Variants in CNDP1 observed in about 807,000 individuals in gnomAD.
The protein encoded by CNDP1 is carnosine dipeptidase 1, also known as beta-Ala-His dipeptidase.
A neutral mutation model predicts 58.1 loss-of-function variants in CNDP1; 44 were observed. The observed-to-expected ratio is 0.76, with a 90% confidence interval of 0.60 to 0.97. The LOEUF (loss-of-function observed/expected upper bound fraction) is 0.97, where lower values mean the gene tolerates loss of function less well. Ranked by LOEUF, CNDP1 falls within the 50% of genes least tolerant of loss-of-function variation. The probability of loss-of-function intolerance (pLI) is 0.00; values close to 1 mark genes in which losing one functional copy is unlikely to be tolerated. For missense variants in CNDP1, 616 were observed against 655.1 expected, an observed-to-expected ratio of 0.94 and a Z score of 0.65; for synonymous variants, 254 against 252.6, an observed-to-expected ratio of 1.01 and a Z score of -0.05.
intron 10 of CNDP1, among the ~76,000 whole-genome samples, chr18:74,581,769 A>T (rs1455397387): frequency 6.6e-6 from 1 of 152,074 alleles, no homozygotes; most frequent in Non-Finnish European, 1.5e-5. Context: ...CAGGAGGGGG[A>T]CCCTGCCAAC....
At chr18:74,559,241 C>T (rs1284048592) in intron 2 of CNDP1, 82 bp from the exon 3 acceptor site, 30 of 1,418,332 alleles carry the variant, frequency 2.1e-5, no homozygotes, top group Non-Finnish European at 2.9e-5. Flanking sequence ...TGGGGACTCG[C>T]TGTCTCCTGC....
chr18:74,560,994 C>G lies in CNDP1; in HGVS notation c.442C>G (p.Pro148Ala), dbSNP rs751628800. The change falls in exon 4 of 12, where the codon CCC becomes GCC. Residue 148 changes from proline to alanine, a missense_variant. Transcript: ENST00000358821. ...ADRGDGWLTDPYVLTEVDGKL... is the reference protein window; with the variant it reads ...ADRGDGWLTDAYVLTEVDGKL... Reference sequence around the variant, plus strand: ...CCGGGGCGATGGGTGGCTCACGGACCCCTATGTGCTGACGGAGGTAGACGG... The same window carrying G: ...CCGGGGCGATGGGTGGCTCACGGACGCCTATGTGCTGACGGAGGTAGACGG... 1 of 1,613,720 alleles carries G rather than the reference C, an allele frequency of 6.2e-7. No individual in the cohort carries two copies. The highest frequency in any genetic ancestry group is 8.5e-7 in the Non-Finnish European group (1 of 1,179,772).
intron 1 of CNDP1, among the ~76,000 whole-genome samples, chr18:74,553,448 G>A (rs1208683839): frequency 6.6e-6 from 1 of 152,148 alleles, no homozygotes; most frequent in Non-Finnish European, 1.5e-5. Flanking sequence ...ATGGTGTGAG[G>A]AAGGGGGTGA....
intron 1 of CNDP1, among the ~76,000 whole-genome samples, chr18:74,542,887 A>G (rs562698614): frequency 6.7e-4 from 102 of 152,262 alleles, no homozygotes; most frequent in Non-Finnish European, 6.8e-4. Flanking sequence ...GGCATCTTAA[A>G]GCACCAGGTG....
At chr18:74,570,222 T>C (rs868035249) in intron 6 of CNDP1, among the ~76,000 whole-genome samples, 1 of 115,794 alleles carries the variant, frequency 8.6e-6, no homozygotes, top group African/African-American at 3.7e-5. Flanking sequence ...TAATAATTAA[T>C]AATAATAATA....
intron 1 of CNDP1, among the ~76,000 whole-genome samples, chr18:74,554,674 A>G (rs1354543164): frequency 2.0e-5 from 3 of 152,300 alleles, no homozygotes; most frequent in Admixed American, 1.3e-4. Flanking sequence ...TGGTACCCCA[A>G]CAAGGGAGGA....
rs1981929930 is a variant in CNDP1 at position 74,587,010 on chromosome 18, AG to A, written c.*2453del. 1 of 152,136 alleles carries A rather than the reference AG, an allele frequency of 6.6e-6. No homozygotes were observed. The allele number at this position is 152,136 out of a possible 1,614,324, so 9.4% of individuals were successfully genotyped here. On this transcript the variant is annotated 3_prime_UTR_variant, in exon 12 of 12. Coordinates refer to ENST00000358821, the MANE Select transcript of CNDP1 (RefSeq NM_032649.6). ...GGGCGTACATTGTGGCATGCCCATC[AG>A]GGGGACTTTGTTGTATTGGAGGAGG...
chr18:74,543,509 CAAAATAAAATAAAAT>C (rs56408022), intron 1 of CNDP1, among the ~76,000 whole-genome samples: 11 of 148,778 alleles, frequency 7.4e-5, no homozygotes, highest in Middle Eastern at 3.4e-3. Flanking sequence ...TAAAACAAAA[CAAAATAAAATAAAAT>C]AAAATAAAAT....
chr18:74,571,205 A>T lies in CNDP1; in HGVS notation c.776A>T (p.Asp259Val). The stretch of plus-strand genomic sequence containing the variant: ...CTGCAGGTGAAATGCAGAGACCAGG[A>T]TTTTCACTCAGGAACCTTTGGTGGC... ...FMVEVKCRDQDFHSGTFGGIL... is the reference protein window; with the variant it reads ...FMVEVKCRDQVFHSGTFGGIL... Residue 259 changes from aspartate to valine, a missense_variant, in exon 7 of 12, where the codon GAT becomes GTT. Transcript: ENST00000358821. 1 of 1,612,660 alleles carries T rather than the reference A, an allele frequency of 6.2e-7. No homozygotes were observed. Among genetic ancestry groups the T allele is most frequent in the Non-Finnish European group, 8.5e-7 (1 of 1,178,960 alleles).
rs35859995 is a variant in CNDP1, at chr18:74,585,994, C to CAAAAAAAAAAAAAA, written c.*1444_*1457dup. ...GGGCGACAGAGTGAGACTCCGTCTC[C>CAAAAAAAAAAAAAA]AAAAAAAAAAAAAAAAAAAAAAAAA... On this transcript the variant is annotated 3_prime_UTR_variant, in exon 12 of 12. Transcript: ENST00000358821. 1.5e-5 allele frequency: 1 copy of CAAAAAAAAAAAAAA among 68,208 alleles called. No individual in the cohort carries two copies. Among genetic ancestry groups the CAAAAAAAAAAAAAA allele is most frequent in the Non-Finnish European group, 2.6e-5 (1 of 39,048 alleles). 4.2% of individuals were successfully genotyped at this position (68,208 alleles called of 1,614,324 possible).
chr18:74,584,660 CT>C lies in CNDP1; in HGVS notation c.*99del, dbSNP rs1981867998. 3.3e-6 allele frequency: 3 copies of C among 918,998 alleles called. No individual in the cohort carries two copies. The highest frequency in any genetic ancestry group is 1.8e-6 in the Non-Finnish European group (1 of 557,828). The allele number at this position is 918,998 out of a possible 1,614,324, so 56.9% of individuals were successfully genotyped here. A position where few individuals can be genotyped will look rare whatever the true frequency, so the allele number is the denominator to read the frequency against. On this transcript the variant is annotated 3_prime_UTR_variant, in exon 12 of 12. Coordinates refer to ENST00000358821, the MANE Select transcript of CNDP1 (RefSeq NM_032649.6). ...ATGTAAATATCCAGAGAATTTGGGT[CT>C]AGTATAGTACATTTTCCCTTCCATT...
chr18:74,566,710 G>A (rs1981336434), intron 5 of CNDP1, among the ~76,000 whole-genome samples: 1 of 152,210 alleles, frequency 6.6e-6, no homozygotes. Context: ...TCTCTAGGAA[G>A]TTCCAAACTT....
At chr18:74,566,898 G>T (rs1341519378) in intron 5 of CNDP1, among the ~76,000 whole-genome samples, 2 of 152,148 alleles carry the variant, frequency 1.3e-5, no homozygotes, top group Non-Finnish European at 2.9e-5. Context: ...CCCAAGACTG[G>T]GAAGAAAAAG....
chr18:74,570,414 G>C (rs1356917851), intron 6 of CNDP1, among the ~76,000 whole-genome samples: 1 of 152,148 alleles, frequency 6.6e-6, no homozygotes, highest in East Asian at 1.9e-4. Context: ...CTTAGCACAA[G>C]TGACAGCAGG....
chr18:74,540,709 C>CAG (rs1279574935), intron 1 of CNDP1, among the ~76,000 whole-genome samples: 1 of 152,200 alleles, frequency 6.6e-6, no homozygotes, highest in Non-Finnish European at 1.5e-5. Context: ...CTGTGAAATG[C>CAG]AGCTACAGTA....
At position 74,543,951 on chromosome 18, in the gene CNDP1, T is replaced by G. The variant is rs145424939; in HGVS notation, c.24+9260T>G. 9.3e-3 allele frequency among the ~76,000 whole-genome samples: 1,408 copies of G among 152,030 alleles called. 10 individuals are homozygous for G. The highest frequency in any genetic ancestry group is 0.015 in the Non-Finnish European group (1,023 of 67,978). On this transcript the variant is annotated intron_variant, in intron 1 of 11. Transcript: ENST00000358821. ...AATTTAAAAATCAGTCCACGTATGG[T>G]GGCTTGTACCTTTAGTCCCAGCTTC...
intron 11 of CNDP1, 81 bp downstream of exon 11, chr18:74,583,789 T>C: frequency 7.3e-7 from 1 of 1,371,754 alleles, no homozygotes; most frequent in South Asian, 1.2e-5. Flanking sequence ...TGAGCTCCTG[T>C]TCAATTTATG....
At chr18:74,565,475 A>G (rs1165584040) in intron 5 of CNDP1, among the ~76,000 whole-genome samples, 1 of 152,246 alleles carries the variant, frequency 6.6e-6, no homozygotes, top group Non-Finnish European at 1.5e-5. Flanking sequence ...TCCTAGATAC[A>G]ATGTCAGTAC....
At chr18:74,577,554 G>A (rs1387750989) in intron 8 of CNDP1, 1 of 152,580 alleles carries the variant, frequency 6.6e-6, no homozygotes, top group Non-Finnish European at 1.5e-5. Flanking sequence ...CTCTTTCTGG[G>A]CAGCATGCTT....
Sources: gnomAD v4.1 joint callset for allele counts (sites outside exome capture counted in the v4.1 genomes callset) on GRCh38, gnomAD v4.1.1 for gene constraint, MANE v1.5 for transcripts, NCBI Gene and HGNC (gene_info 2026-07-23, HGNC 2026-07-21) for gene names.